Variants in TGFB2 observed in about 807,000 individuals in gnomAD.
TGFB2 encodes transforming growth factor beta 2.
A neutral mutation model predicts 42.7 loss-of-function variants in TGFB2; 13 were observed. The ratio of observed to expected loss-of-function variants is 0.30; its 90% confidence interval spans 0.20 to 0.48. The LOEUF (loss-of-function observed/expected upper bound fraction) is 0.48, where lower values mean the gene tolerates loss of function less well. Among genes scored for constraint, TGFB2 ranks in the 20% least tolerant of loss-of-function variants. The pLI, the probability that TGFB2 is intolerant of heterozygous loss-of-function variation, is 0.99. For synonymous variants in TGFB2, 193 were observed against 193.6 expected (o/e 1.00, Z 0.03); for missense variants, 390 against 517.5 (o/e 0.75, Z 2.39).
intron 1 of TGFB2, among the ~76,000 whole-genome samples, chr1:218,348,201 A>G (rs932727180): frequency 6.6e-6 from 1 of 152,158 alleles, no homozygotes; most frequent in Non-Finnish European, 1.5e-5. Context: ...ACATTTGTGT[A>G]TTCCAAATCC....
chr1:218,417,109 G>T (rs1206538524), intron 2 of TGFB2, among the ~76,000 whole-genome samples: 1 of 152,224 alleles, frequency 6.6e-6, no homozygotes, highest in African/African-American at 2.4e-5. Flanking sequence ...AGCAACTTTG[G>T]AACTGGGTAA....
At chr1:218,403,232 T>C (rs1425753164) in intron 1 of TGFB2, among the ~76,000 whole-genome samples, 1 of 152,184 alleles carries the variant, frequency 6.6e-6, no homozygotes, top group African/African-American at 2.4e-5. Flanking sequence ...TGTTTGTTTC[T>C]GAGACTTCTG....
At chr1:218,423,278 G>A (rs1659515494) in intron 2 of TGFB2, among the ~76,000 whole-genome samples, 1 of 152,192 alleles carries the variant, frequency 6.6e-6, no homozygotes, top group Middle Eastern at 3.2e-3. Flanking sequence ...ATTTAAATAA[G>A]TTTATGTTTC....
At chr1:218,372,884 G>A (rs1657613287) in intron 1 of TGFB2, among the ~76,000 whole-genome samples, 1 of 152,100 alleles carries the variant, frequency 6.6e-6, no homozygotes. Context: ...TTTAGTTTTA[G>A]AAAGTTTCCC....
At chr1:218,405,434 A>G in intron 2 of TGFB2, 102 bp downstream of exon 2, 1 of 1,585,412 alleles carries the variant, frequency 6.3e-7, no homozygotes, top group Non-Finnish European at 8.5e-7. Flanking sequence ...GCATGATCAC[A>G]GCTCACTGCA....
intron 6 of TGFB2, among the ~76,000 whole-genome samples, chr1:218,439,400 A>G (rs1299456969): frequency 6.6e-6 from 1 of 152,196 alleles, no homozygotes; most frequent in African/African-American, 2.4e-5. Flanking sequence ...AAGATCACAT[A>G]CTACATTCAG....
chr1:218,410,609 GA>G (rs1161538339), intron 2 of TGFB2, among the ~76,000 whole-genome samples: 1 of 152,200 alleles, frequency 6.6e-6, no homozygotes. Flanking sequence ...TCTGAAAGAT[GA>G]AGGGAAAGAG....
At chr1:218,409,847 C>A (rs1044548743) in intron 2 of TGFB2, among the ~76,000 whole-genome samples, 1 of 152,100 alleles carries the variant, frequency 6.6e-6, no homozygotes, top group Admixed American at 6.5e-5. Flanking sequence ...GTTCTCAGGT[C>A]GTTTACATGG....
At chr1:218,356,084 G>A (rs1212651716) in intron 1 of TGFB2, among the ~76,000 whole-genome samples, 1 of 152,028 alleles carries the variant, frequency 6.6e-6, no homozygotes, top group African/African-American at 2.4e-5. Context: ...GCCCATCTGT[G>A]GAATCAAGAA....
chr1:218,429,519 AC>A (rs1184174182), intron 2 of TGFB2, among the ~76,000 whole-genome samples: 1 of 152,070 alleles, frequency 6.6e-6, no homozygotes, highest in Non-Finnish European at 1.5e-5. Flanking sequence ...ATTTTTTCCC[AC>A]CTTTTGACTA....
chr1:218,395,544 C>T (rs541487806), intron 1 of TGFB2, among the ~76,000 whole-genome samples: 2 of 152,218 alleles, frequency 1.3e-5, no homozygotes, highest in South Asian at 2.1e-4. Flanking sequence ...CAAAGGCTAG[C>T]CTCACTTCGA....
At chr1:218,419,732 T>C (rs929905485) in intron 2 of TGFB2, among the ~76,000 whole-genome samples, 2 of 152,220 alleles carry the variant, frequency 1.3e-5, no homozygotes, top group Non-Finnish European at 2.9e-5. Flanking sequence ...TTTAAAGATA[T>C]CTAAATATTG....
intron 1 of TGFB2, among the ~76,000 whole-genome samples, chr1:218,369,959 G>T (rs1657518997): frequency 6.6e-6 from 1 of 152,214 alleles, no homozygotes; most frequent in East Asian, 1.9e-4. Context: ...TGAACAGGAA[G>T]ACTTTACACG....
At chr1:218,417,871 G>C (rs1439030756) in intron 2 of TGFB2, among the ~76,000 whole-genome samples, 1 of 152,258 alleles carries the variant, frequency 6.6e-6, no homozygotes, top group African/African-American at 2.4e-5. Context: ...TGTTGAGCCT[G>C]TGAGTGCACA....
At chr1:218,396,896 T>C (rs1571867638) in intron 1 of TGFB2, among the ~76,000 whole-genome samples, 1 of 152,316 alleles carries the variant, frequency 6.6e-6, no homozygotes, top group East Asian at 1.9e-4. Flanking sequence ...ATCCTATTTT[T>C]CCAGTTTAAG....
At chr1:218,365,086 G>A (rs574983622) in intron 1 of TGFB2, among the ~76,000 whole-genome samples, 1 of 152,138 alleles carries the variant, frequency 6.6e-6, no homozygotes, top group African/African-American at 2.4e-5. Flanking sequence ...GTCAGGGAGG[G>A]CCAGAATGAC....
At chr1:218,361,074 C>G (rs1345580756) in intron 1 of TGFB2, among the ~76,000 whole-genome samples, 1 of 152,202 alleles carries the variant, frequency 6.6e-6, no homozygotes, top group Non-Finnish European at 1.5e-5. Context: ...AGGCTGGTCT[C>G]AAACTCCTGA....
rs143990736 is a variant in TGFB2 at position 218,423,034 on chromosome 1, T to G, written c.511-11048T>G. On this transcript the variant is annotated intron_variant, in intron 2 of 6. Coordinates refer to ENST00000366930, the MANE Select transcript of TGFB2 (RefSeq NM_003238.6). ...GGGTAAAAGGCTCCTCCAAAGCCAATGAAAGCCTTCCAGAGTATGGATGTG... is the reference window on the plus strand; with the variant it reads ...GGGTAAAAGGCTCCTCCAAAGCCAAGGAAAGCCTTCCAGAGTATGGATGTG... Among the ~76,000 whole-genome samples the G allele has an allele frequency of 2.7e-3, 409 of 152,302 alleles. 2 individuals carry two copies. Among genetic ancestry groups the G allele is most frequent in the South Asian group, 6.8e-3 (33 of 4,830 alleles).
intron 1 of TGFB2, among the ~76,000 whole-genome samples, chr1:218,373,287 T>C (rs1657630643): frequency 1.3e-5 from 2 of 152,140 alleles, no homozygotes; most frequent in South Asian, 2.1e-4. Context: ...TAGATATCCA[T>C]GTTAGGTTTT....
Sources: allele counts gnomAD v4.1 joint callset (sites outside exome capture counted in the v4.1 genomes callset), GRCh38; gene constraint gnomAD v4.1.1; transcripts MANE v1.5; gene names NCBI Gene and HGNC (gene_info 2026-07-23, HGNC 2026-07-21).